Variants in CCDC136 observed in about 807,000 individuals in gnomAD.
CCDC136 encodes the protein coiled-coil domain-containing protein 136.
In CCDC136, 100 loss-of-function variants were observed where a neutral mutation model predicts 141.2. That is an observed-to-expected ratio of 0.71 (90% CI 0.60 to 0.84). The LOEUF is 0.84. Among genes scored for constraint, CCDC136 ranks in the 40% least tolerant of loss-of-function variants. The probability of loss-of-function intolerance (pLI) is 0.00; values close to 1 mark genes in which losing one functional copy is unlikely to be tolerated. For missense variants in CCDC136, 1,206 were observed against 1,379.4 expected (o/e 0.87, Z 1.99); for synonymous variants, 474 against 531.9 (o/e 0.89, Z 1.50).
chr7:128,806,261 T>C lies in CCDC136; in HGVS notation c.1114T>C (p.Cys372Arg), dbSNP rs1804818233. The C allele has an allele frequency of 6.3e-7, 1 of 1,575,440 alleles. No homozygotes were observed. The highest frequency in any genetic ancestry group is 8.6e-7 in the Non-Finnish European group (1 of 1,159,768). Reference sequence around the variant, plus strand: ...GAATGAGGAGCTGAAGTCCAGACTCTGTACCCTGCAGAAAAAATATGATAC... The same window carrying C: ...GAATGAGGAGCTGAAGTCCAGACTCCGTACCCTGCAGAAAAAATATGATAC... ...TQNEELKSRL[C>R]TLQKKYDTSQ... The change falls in exon 8 of 18, where the codon TGT becomes CGT. Residue 372 changes from cysteine to arginine, a missense_variant. Transcript: ENST00000297788.
chr7:128,792,562 G>A, intron 1 of CCDC136, 135 bp downstream of exon 1: 2 of 646,652 alleles, frequency 3.1e-6, no homozygotes, highest in Non-Finnish European at 5.3e-6. Context: ...TCTTCCTGCA[G>A]CTCAGAGCTC....
Position 128,810,913 on chromosome 7 carries a change from G to A in CCDC136, c.2028+547G>A, listed in dbSNP as rs574686776. ...TATCTTCATTGGAACTTTGGTGGCAGTAACAGAGCAAGGTCACAGGGGTTA... is the reference window on the plus strand; with the variant it reads ...TATCTTCATTGGAACTTTGGTGGCAATAACAGAGCAAGGTCACAGGGGTTA... On this transcript the variant is annotated intron_variant, in intron 12 of 17. Coordinates refer to ENST00000297788, the MANE Select transcript of CCDC136 (RefSeq NM_022742.5). Among the ~76,000 whole-genome samples the A allele has an allele frequency of 2.6e-5, 4 of 152,332 alleles. No individual in the cohort carries two copies. The South Asian group carries it at 8.3e-4, about 32-fold the overall frequency.
upstream of CCDC136, chr7:128,791,874 TG>T: frequency 2.5e-6 from 1 of 402,492 alleles, no homozygotes; most frequent in Non-Finnish European, 4.0e-6. The surrounding 1 kb of genome is among the most constrained non-coding windows in gnomAD (Gnocchi z 7.1). Flanking sequence ...GGGGCGAGGG[TG>T]GGGTGGGCAA....
intron 13 of CCDC136, 42 bp from the exon 14 acceptor site, chr7:128,812,666 G>A: frequency 1.4e-6 from 2 of 1,472,824 alleles, no homozygotes; most frequent in Non-Finnish European, 1.9e-6. Flanking sequence ...CGGAGCTTAG[G>A]TGCTCCTCAG....
In CCDC136 at chr7:128,811,791, T is replaced by C. The variant is rs1481152669; in HGVS notation, c.2029-9T>C. On this transcript the variant is annotated splice_polypyrimidine_tract_variant and intron_variant, in intron 12 of 17. Coordinates refer to ENST00000297788, the MANE Select transcript of CCDC136 (RefSeq NM_022742.5). ...AGTAATGATACTGTCTCCCCACCCC[T>C]GCCCCCAGCAATCCAAGCTGCTCAT... 3 of 1,561,546 alleles carry C rather than the reference T, an allele frequency of 1.9e-6. No individual in the cohort carries two copies. The highest frequency in any genetic ancestry group is 2.6e-6 in the Non-Finnish European group (3 of 1,157,964).
At chr7:128,806,530 C>A in intron 8 of CCDC136, 135 bp downstream of exon 8, 19 of 1,075,970 alleles carry the variant, frequency 1.8e-5, no homozygotes, top group Non-Finnish European at 2.5e-5. Flanking sequence ...GTAAAGAACT[C>A]CAGCCCTGCT....
chr7:128,804,410 C>T (rs1245346306), intron 4 of CCDC136, among the ~76,000 whole-genome samples: 2 of 152,178 alleles, frequency 1.3e-5, no homozygotes, highest in Non-Finnish European at 2.9e-5. Context: ...AAGATGAGCA[C>T]ACAGGGTAAA....
rs367971232 is a variant in CCDC136, at chr7:128,810,142, C to G, written c.1804C>G (p.Gln602Glu). Residue 602 changes from glutamine (Q) to glutamate (E), a missense_variant, in exon 12 of 18, where the codon CAG becomes GAG. Gln to Glu is a conservative substitution (Grantham distance 29). Transcript: ENST00000297788. Reference protein sequence around the residue: ...LPKSGLLLKSQELLTKLEDLC... With the variant: ...LPKSGLLLKSEELLTKLEDLC... Reference sequence around the variant, plus strand: ...CCTTCCTTCTACTCCGCCTCAGAGTCAGGAGCTACTCACCAAGTTAGAAGA... The same window carrying G: ...CCTTCCTTCTACTCCGCCTCAGAGTGAGGAGCTACTCACCAAGTTAGAAGA... 2.0e-5 allele frequency: 32 copies of G among 1,579,454 alleles called. No individual in the cohort carries two copies. Among genetic ancestry groups the G allele is most frequent in the Non-Finnish European group, 2.8e-5 (32 of 1,161,860 alleles).
chr7:128,806,832 G>T lies in CCDC136; in HGVS notation c.1393G>T (p.Ala465Ser), dbSNP rs887612867. The T allele has an allele frequency of 1.9e-6, 3 of 1,611,272 alleles. No homozygotes were observed. Among genetic ancestry groups the T allele is most frequent in the South Asian group, 1.1e-5 (1 of 90,754 alleles). Residue 465 changes from alanine (A) to serine (S), a missense_variant, in exon 9 of 18, where the codon GCC becomes TCC. By Grantham distance (99) the Ala-to-Ser change is moderately conservative (BLOSUM62 1). Coordinates refer to ENST00000297788, the MANE Select transcript of CCDC136 (RefSeq NM_022742.5). ...AELQHLRDTV[A>S]SFKESNEKDT... ...GCTGCAGCACCTCAGGGATACGGTGGCCTCCTTCAAAGAGAGCAATGAGAA... is the reference window on the plus strand; with the variant it reads ...GCTGCAGCACCTCAGGGATACGGTGTCCTCCTTCAAAGAGAGCAATGAGAA...
At chr7:128,793,771 A>G (rs1243272624) in intron 1 of CCDC136, among the ~76,000 whole-genome samples, 1 of 152,040 alleles carries the variant, frequency 6.6e-6, no homozygotes, top group Non-Finnish European at 1.5e-5. Context: ...TACCACGCCC[A>G]GCTAATTTTT....
Position 128,812,034 on chromosome 7 carries a change from A to C in CCDC136, c.2263A>C (p.Asn755His), listed in dbSNP as rs1022841669. The part of the protein sequence containing the change: ...GKSYGSMVPS[N>H]ENCRKTYDTT... ...GAGCTATGGTAGCATGGTCCCCAGCAATGAGAACTGTCGCAAGACTTATGA... is the reference window on the plus strand; with the variant it reads ...GAGCTATGGTAGCATGGTCCCCAGCCATGAGAACTGTCGCAAGACTTATGA... The change falls in exon 13 of 18, where the codon AAT becomes CAT. Residue 755 changes from asparagine to histidine, a missense_variant. Asn to His is a moderately conservative substitution (Grantham distance 68). Transcript: ENST00000297788. 1 of 1,614,044 alleles carries C rather than the reference A, an allele frequency of 6.2e-7. No homozygotes were observed. Among genetic ancestry groups the C allele is most frequent in the Non-Finnish European group, 8.5e-7 (1 of 1,179,888 alleles).
Position 128,814,738 on chromosome 7 carries a change from G to C in CCDC136, c.2864G>C (p.Gly955Ala). The stretch of plus-strand genomic sequence containing the variant: ...CTGGTAGTGCAGGAGCAGCTGGAGG[G>C]GCAGCTGCAGTGCTGCCAGGAGGAG... ...RLLVVQEQLE[G>A]QLQCCQEELR... Residue 955 changes from glycine to alanine, a missense_variant, in exon 15 of 18, where the codon GGG becomes GCG. Gly to Ala is a moderately conservative substitution (Grantham distance 60, BLOSUM62 0). Coordinates refer to ENST00000297788, the MANE Select transcript of CCDC136 (RefSeq NM_022742.5). 6.2e-7 allele frequency: 1 copy of C among 1,613,642 alleles called. No homozygotes were observed. The highest frequency in any genetic ancestry group is 8.5e-7 in the Non-Finnish European group (1 of 1,179,710).
At chr7:128,791,359 G>C, upstream of CCDC136, 1 of 494,658 alleles carries the variant, frequency 2.0e-6, no homozygotes, top group Non-Finnish European at 3.1e-6. The surrounding 1 kb of genome is among the most constrained non-coding windows in gnomAD (Gnocchi z 7.1). Context: ...AGCGGCGGGG[G>C]GCGGTGTCAG....
chr7:128,800,590 C>T (rs1450020062), intron 3 of CCDC136, among the ~76,000 whole-genome samples: 1 of 152,210 alleles, frequency 6.6e-6, no homozygotes, highest in Admixed American at 6.5e-5. Flanking sequence ...CCACTGCTCC[C>T]AGCCTATCAT....
intron 16 of CCDC136, 72 bp downstream of exon 16, chr7:128,816,003 G>A: frequency 1.4e-6 from 2 of 1,464,228 alleles, no homozygotes; most frequent in Non-Finnish European, 1.8e-6. Flanking sequence ...GTTAATGGGT[G>A]GCCCTGCCAA....
rs765480328 is a variant in CCDC136, at chr7:128,805,517, A to C, written c.941A>C (p.Lys314Thr). The change falls in exon 6 of 18, where the codon AAG (lysine) becomes ACG (threonine). Residue 314 changes from lysine to threonine, a missense_variant. Coordinates refer to ENST00000297788, the MANE Select transcript of CCDC136 (RefSeq NM_022742.5). The surrounding 1 kb of genome is among the most constrained non-coding windows in gnomAD (Gnocchi z 4.6). ...GCTGAAGAGCAGATGCATGGCATGAAGAACAAGGTAGGGCACAGAGGGTGG... is the reference window on the plus strand; with the variant it reads ...GCTGAAGAGCAGATGCATGGCATGACGAACAAGGTAGGGCACAGAGGGTGG... ...RDAEEQMHGM[K>T]NKCQELCCEL... 1 of 1,608,286 alleles carries C rather than the reference A, an allele frequency of 6.2e-7. No individual in the cohort carries two copies. Among genetic ancestry groups the C allele is most frequent in the South Asian group, 1.1e-5 (1 of 90,212 alleles).
In CCDC136 at chr7:128,792,395, C is replaced by T; in HGVS notation, c.-17C>T. 1 of 1,609,028 alleles carries T rather than the reference C, an allele frequency of 6.2e-7. No homozygotes were observed. The highest frequency in any genetic ancestry group is 8.5e-7 in the Non-Finnish European group (1 of 1,177,402). ...AGGAAGAAGGGCCAACGCTGGGGGT[C>T]CCTGGAACGACGGGGGATGCAAGCT... On this transcript the variant is annotated 5_prime_UTR_variant, in exon 1 of 18. Coordinates refer to ENST00000297788, the MANE Select transcript of CCDC136 (RefSeq NM_022742.5).
Position 128,813,357 on chromosome 7 carries a change from C to T in CCDC136, c.2763+428C>T, listed in dbSNP as rs143626612. Among the ~76,000 whole-genome samples, 471 of 152,308 alleles carry T rather than the reference C, an allele frequency of 3.1e-3. 2 individuals are homozygous for T. Among genetic ancestry groups the T allele is most frequent in the Non-Finnish European group, 4.9e-3 (331 of 68,028 alleles). ...CGCTCACAATGCCAAGAAGAGTGCT[C>T]TGCACCCCCTAGGAATGGGACAGAA... On this transcript the variant is annotated intron_variant, in intron 14 of 17. Coordinates refer to ENST00000297788, the MANE Select transcript of CCDC136 (RefSeq NM_022742.5).
At chr7:128,801,592 G>C in intron 4 of CCDC136, 83 bp downstream of exon 4, 1 of 1,012,032 alleles carries the variant, frequency 9.9e-7, no homozygotes, top group Non-Finnish European at 1.4e-6. Flanking sequence ...GGTGGTGTTA[G>C]ATCATGAATT....
Sources: gnomAD v4.1 joint callset for allele counts (sites outside exome capture counted in the v4.1 genomes callset) on GRCh38, gnomAD v4.1.1 for gene constraint, Gnocchi (gnomAD v3.1) non-coding constraint, MANE v1.5 for transcripts, NCBI Gene and HGNC (gene_info 2026-07-23, HGNC 2026-07-21) for gene names.